STRIP1: variants seen among roughly 807,000 people sequenced by gnomAD.
STRIP1 encodes the protein striatin-interacting protein 1.
A neutral mutation model predicts 106.2 loss-of-function variants in STRIP1; 63 were observed. The ratio of observed to expected loss-of-function variants is 0.59; its 90% CI spans 0.48 to 0.73. STRIP1 has a LOEUF of 0.73. STRIP1 is among the 30% of genes least tolerant of loss of function. The pLI, the probability that STRIP1 is intolerant of heterozygous loss-of-function variation, is 0.00. For synonymous variants in STRIP1, 390 were observed against 413.0 expected (o/e 0.94, Z 0.67); for missense variants, 857 against 1,074.8 (o/e 0.80, Z 2.83).
At chr1:110,038,619 A>T in intron 2 of STRIP1, 64 bp from the exon 3 acceptor site, 1 of 1,384,624 alleles carries the variant, frequency 7.2e-7, no homozygotes, top group Non-Finnish European at 1.0e-6. Context: ...CCTTCTCTGC[A>T]CTTGTGAGAC....
At position 110,051,708 on chromosome 1, in the gene STRIP1, C is replaced by T. The variant is rs1653308958; in HGVS notation, c.2087C>T (p.Pro696Leu). 1.2e-6 allele frequency: 2 copies of T among 1,610,046 alleles called. No individual in the cohort carries two copies. The highest frequency in any genetic ancestry group is 1.7e-6 in the Non-Finnish European group (2 of 1,178,424). Reference sequence around the variant, plus strand: ...ATGCTGGTGGTGTTCAAGTCAGCCCCCATCTTGAAGCGGGCCCTAAAGGTG... The same window carrying T: ...ATGCTGGTGGTGTTCAAGTCAGCCCTCATCTTGAAGCGGGCCCTAAAGGTG... The part of the protein sequence containing the change: ...TMMLVVFKSA[P>L]ILKRALKVKQ... Residue 696 changes from proline to leucine, a missense_variant, in exon 20 of 21, where the codon CCC becomes CTC. By Grantham distance (98) the Pro-to-Leu change is moderately conservative. Around this residue, in one of 2 missense-constraint regions of STRIP1, gnomAD observed 750 missense variants for 989.8 expected, o/e 0.76. Coordinates refer to ENST00000369795, the MANE Select transcript of STRIP1 (RefSeq NM_033088.4).
intron 16 of STRIP1, 76 bp downstream of exon 16, chr1:110,049,314 G>C: frequency 1.2e-6 from 2 of 1,606,494 alleles, no homozygotes; most frequent in South Asian, 2.2e-5. Context: ...CACAAGAACG[G>C]GGGCCTTGGC....
rs749005069 is a variant in STRIP1, at chr1:110,040,598, C to T, written c.582-37C>T. On this transcript the variant is annotated intron_variant, in intron 5 of 20. Transcript: ENST00000369795. Reference sequence around the variant, plus strand: ...GTCAGGGACATCACTTATCTTCCTTCTTGGAGGAAGATGCTGACTCTCAAA... The same window carrying T: ...GTCAGGGACATCACTTATCTTCCTTTTTGGAGGAAGATGCTGACTCTCAAA... 6.9e-6 allele frequency: 11 copies of T among 1,587,854 alleles called. No homozygotes were observed. The African/African-American group carries it at 1.5e-4, about 21-fold the overall frequency.
In STRIP1 at chr1:110,039,456, T is replaced by G. The variant is rs1652651045; in HGVS notation, c.522T>G (p.Phe174Leu). ...AGTCCTGGATGCGCTACAACATCTT[T>G]CTCCTCCTGGAGGTGGGCACGTTCA... ...EVQSWMRYNI[F>L]LLLEVGTFNA... Residue 174 changes from phenylalanine (F) to leucine (L), a missense_variant, in exon 5 of 21, where the codon TTT (phenylalanine) becomes TTG (leucine). Phe to Leu is a conservative substitution (Grantham distance 22, BLOSUM62 0). Transcript: ENST00000369795. The G allele has an allele frequency of 1.2e-6, 2 of 1,613,146 alleles. No homozygotes were observed. The highest frequency in any genetic ancestry group is 1.7e-6 in the Non-Finnish European group (2 of 1,179,714).
At position 110,041,619 on chromosome 1, in the gene STRIP1, G is replaced by A. The variant is rs766532551; in HGVS notation, c.734G>A (p.Arg245Gln). 11 of 1,614,118 alleles carry A rather than the reference G, an allele frequency of 6.8e-6. No homozygotes were observed. Among genetic ancestry groups the A allele is most frequent in the South Asian group, 1.1e-5 (1 of 91,080 alleles). Residue 245 changes from arginine (R) to glutamine (Q), a missense_variant, in exon 7 of 21, where the codon CGG becomes CAG. Arg to Gln is a conservative substitution (Grantham distance 43, BLOSUM62 1). Around this residue, in one of 2 missense-constraint regions of STRIP1, gnomAD observed 750 missense variants for 989.8 expected, o/e 0.76. Transcript: ENST00000369795. ...EGDKAEWRTM[R>Q]QTFRAELGSP... The stretch of plus-strand genomic sequence containing the variant: ...GACAAGGCTGAGTGGAGGACCATGC[G>A]GCAGACCTTCAGAGCCGAGCTGGGT...
At position 110,053,766 on chromosome 1, in the gene STRIP1, C is replaced by A. The variant is rs1440213119; in HGVS notation, c.2368C>A (p.Pro790Thr). Residue 790 changes from proline to threonine, a missense_variant, in exon 21 of 21, where the codon CCT becomes ACT. Coordinates refer to ENST00000369795, the MANE Select transcript of STRIP1 (RefSeq NM_033088.4). ...ARRYDRAHSN[P>T]DFLPVDNCLQ... ...GCGCTATGACCGGGCCCACAGCAACCCTGACTTCCTGCCAGTGGACAACTG... is the reference window on the plus strand; with the variant it reads ...GCGCTATGACCGGGCCCACAGCAACACTGACTTCCTGCCAGTGGACAACTG... 1.2e-6 allele frequency: 2 copies of A among 1,614,150 alleles called. No individual in the cohort carries two copies. Among genetic ancestry groups the A allele is most frequent in the Non-Finnish European group, 1.7e-6 (2 of 1,180,036 alleles).
chr1:110,048,055 G>A, intron 15 of STRIP1, 186 bp downstream of exon 15: 1 of 590,498 alleles, frequency 1.7e-6, no homozygotes, highest in Non-Finnish European at 3.0e-6. Flanking sequence ...GCTTGGTCCT[G>A]TTGGCCTGGA....
chr1:110,051,828 T>C lies in STRIP1; in HGVS notation c.2207T>C (p.Met736Thr), dbSNP rs1165883322. ...RQWRKSNMKTMSAIYQKVRHR... is the reference protein window; with the variant it reads ...RQWRKSNMKTTSAIYQKVRHR... ...TGGCGAAAGAGCAACATGAAGACCA[T>C]GTCTGCCATCTACCAGAAGGTGCGG... The change falls in exon 20 of 21, where the codon ATG (methionine) becomes ACG (threonine). Residue 736 changes from methionine to threonine, a missense_variant. This residue lies in a region of STRIP1 where 750 missense variants were observed against 989.8 expected (regional missense o/e 0.76). Coordinates refer to ENST00000369795, the MANE Select transcript of STRIP1 (RefSeq NM_033088.4). 1.2e-5 allele frequency: 20 copies of C among 1,613,462 alleles called. No individual in the cohort carries two copies. The highest frequency in any genetic ancestry group is 1.7e-5 in the Non-Finnish European group (20 of 1,180,016).
intron 8 of STRIP1, among the ~76,000 whole-genome samples, 173 bp downstream of exon 8, chr1:110,042,034 A>G (rs771683724): frequency 6.6e-6 from 1 of 152,230 alleles, no homozygotes; most frequent in Non-Finnish European, 1.5e-5. Flanking sequence ...CTATTGTCCC[A>G]TTGCAGCCAA....
At chr1:110,031,961 T>C (rs1286804072), upstream of STRIP1, among the ~76,000 whole-genome samples, 6 of 151,590 alleles carry the variant, frequency 4.0e-5, no homozygotes, top group Admixed American at 2.6e-4. Context: ...CTCAAATTCC[T>C]GGGCTCAAAC....
intron 18 of STRIP1, 109 bp downstream of exon 18, chr1:110,050,518 C>T (rs1653245573): frequency 1.7e-5 from 18 of 1,065,964 alleles, no homozygotes; most frequent in Non-Finnish European, 2.6e-5. Context: ...CAGGTGAAAT[C>T]ACTGTGGAGT....
Position 110,053,931 on chromosome 1 carries a change from T to C in STRIP1, c.*19T>C, listed in dbSNP as rs369154629. The stretch of plus-strand genomic sequence containing the variant: ...GCAGTGAGGCTGTTGGTTAGGGGAC[T>C]GAAATGGAGAGAAAAGATGATCTGA... On this transcript the variant is annotated 3_prime_UTR_variant, in exon 21 of 21. Transcript: ENST00000369795. The C allele has an allele frequency of 2.5e-5, 40 of 1,613,110 alleles. No homozygotes were observed. Among genetic ancestry groups the C allele is most frequent in the Middle Eastern group, 1.7e-4 (1 of 6,038 alleles).
upstream of STRIP1, chr1:110,034,491 T>C (rs553113096): frequency 1.2e-6 from 1 of 850,830 alleles, no homozygotes; most frequent in Non-Finnish European, 1.7e-6. Flanking sequence ...AGACAGAATA[T>C]CGCGAGGTAT....
At position 110,034,694 on chromosome 1, in the gene STRIP1, GC is replaced by G; in HGVS notation, c.62del (p.Pro21ArgfsTer75). On this transcript the variant is annotated frameshift_variant, in exon 1 of 21. Transcript: ENST00000369795. LOFTEE classifies it high-confidence loss of function. ...PLIVNNKQPQ[P>X]PPPPPPAAAQ... is the part of the protein sequence containing the mutation. The stretch of plus-strand genomic sequence containing the variant: ...TGATCGTGAACAACAAACAGCCCCA[GC>G]CCCCGCCACCTCCGCCGCCGGCAGC... 1 of 1,515,218 alleles carries G rather than the reference GC, an allele frequency of 6.6e-7. No homozygotes were observed. Among genetic ancestry groups the G allele is most frequent in the Admixed American group, 2.2e-5 (1 of 45,966 alleles). 93.9% of individuals were successfully genotyped at this position (1,515,218 alleles called of 1,614,324 possible).
At chr1:110,037,868 A>AAG (rs1270334650) in intron 1 of STRIP1, 23 bp from the exon 2 acceptor site, 1 of 1,566,792 alleles carries the variant, frequency 6.4e-7, no homozygotes, top group South Asian at 1.1e-5. Flanking sequence ...CTTTTTCCTA[A>AAG]AGCTCTCTCC....
At position 110,047,598 on chromosome 1, in the gene STRIP1, C is replaced by T; in HGVS notation, c.1545C>T (p.Pro515=). 6.2e-7 allele frequency: 1 copy of T among 1,610,522 alleles called. No individual in the cohort carries two copies. Among genetic ancestry groups the T allele is most frequent in the Non-Finnish European group, 8.5e-7 (1 of 1,178,340 alleles). ...PAETLYQGLL[P]SLPQYMIALL... ...AAACCCTCTACCAAGGCTTGCTCCCCAGCCTGCCTCAGTATATGGTGAGTG... is the reference window on the plus strand; with the variant it reads ...AAACCCTCTACCAAGGCTTGCTCCCTAGCCTGCCTCAGTATATGGTGAGTG... Residue 515 remains proline (P), a synonymous_variant, in exon 14 of 21, where the codon CCC becomes CCT. Transcript: ENST00000369795.
chr1:110,050,143 G>T lies in STRIP1; in HGVS notation c.1890-200G>T. On this transcript the variant is annotated intron_variant, in intron 17 of 20. Coordinates refer to ENST00000369795, the MANE Select transcript of STRIP1 (RefSeq NM_033088.4). ...ATCAACAAGCTGGCCTCTGGCTACA[G>T]GGGTGCTTTACAAGTTCTCTTGTAA... 6.9e-6 allele frequency: 4 copies of T among 576,162 alleles called. No homozygotes were observed. In the South Asian group the frequency reaches 8.1e-5, roughly 12 times the overall value. The allele number at this position is 576,162 out of a possible 1,614,324, so 35.7% of individuals were successfully genotyped here. A position where few individuals can be genotyped will look rare whatever the true frequency, so the allele number is the denominator to read the frequency against.
At chr1:110,031,840 T>C (rs138920508), upstream of STRIP1, among the ~76,000 whole-genome samples, 24 of 152,290 alleles carry the variant, frequency 1.6e-4, no homozygotes, top group East Asian at 4.6e-3. Flanking sequence ...TATTCTGTCT[T>C]ATGCATGCCC....
At chr1:110,034,847 C>A (rs957911319) in intron 1 of STRIP1, 30 bp downstream of exon 1, 1 of 1,374,016 alleles carries the variant, frequency 7.3e-7, no homozygotes, top group Non-Finnish European at 9.4e-7. Flanking sequence ...GAGGCTCGCA[C>A]CGGGTCGGGC....
Sources: allele counts gnomAD v4.1 joint callset (sites outside exome capture counted in the v4.1 genomes callset), GRCh38; gene constraint gnomAD v4.1.1; regional missense constraint gnomAD v4.1.1; transcripts MANE v1.5; gene names NCBI Gene and HGNC (gene_info 2026-07-23, HGNC 2026-07-21).